Variants in MAD1L1 observed in about 807,000 individuals in gnomAD.
MAD1L1 encodes the protein mitotic spindle assembly checkpoint protein MAD1.
In MAD1L1, 95 loss-of-function variants were observed where a neutral mutation model predicts 96.9. That is an observed-to-expected ratio of 0.98 (90% CI 0.83 to 1.16). The LOEUF is 1.16. Among genes scored for constraint, MAD1L1 ranks in the 50% most tolerant of loss-of-function variants. The pLI, the probability that MAD1L1 is intolerant of heterozygous loss-of-function variation, is 0.00. For synonymous variants in MAD1L1, 473 were observed against 396.6 expected, an observed-to-expected ratio of 1.19 and a Z score of -2.29; for missense variants, 1,007 against 954.4, an observed-to-expected ratio of 1.06 and a Z score of -0.73.
intron 11 of MAD1L1, among the ~76,000 whole-genome samples, chr7:2,082,626 G>A (rs772090112): frequency 6.6e-6 from 1 of 152,218 alleles, no homozygotes; most frequent in African/African-American, 2.4e-5. Context: ...TGAGGATCAA[G>A]GGGCTCACAT....
intron 11 of MAD1L1, among the ~76,000 whole-genome samples, chr7:2,071,436 G>GTGAAATATGTAAC (rs767315554): frequency 6.6e-6 from 1 of 152,244 alleles, no homozygotes; most frequent in African/African-American, 2.4e-5. Flanking sequence ...GTGTGATCTT[G>GTGAAATATGTAAC]TGAAATATGT....
chr7:2,020,723 A>G (rs1225963410), intron 12 of MAD1L1, among the ~76,000 whole-genome samples: 1 of 151,686 alleles, frequency 6.6e-6, no homozygotes, highest in Admixed American at 6.6e-5. Flanking sequence ...GACAGGAGAA[A>G]CTTCATCTGA....
chr7:2,075,897 G>A (rs1785351207), intron 11 of MAD1L1, among the ~76,000 whole-genome samples: 1 of 152,244 alleles, frequency 6.6e-6, no homozygotes, highest in Non-Finnish European at 1.5e-5. Flanking sequence ...CACCCGCCAA[G>A]GCAAGGGCAG....
intron 18 of MAD1L1, among the ~76,000 whole-genome samples, chr7:1,844,764 C>T (rs926555537): frequency 2.0e-5 from 3 of 152,202 alleles, no homozygotes; most frequent in East Asian, 3.9e-4. Context: ...TCCGATCCTT[C>T]GATGCTCCTG....
chr7:2,094,093 G>A (rs1375824466), intron 11 of MAD1L1, among the ~76,000 whole-genome samples: 5 of 152,230 alleles, frequency 3.3e-5, no homozygotes, highest in African/African-American at 7.2e-5. Context: ...TGGGGAGCCC[G>A]CTGGGAGCAC....
intron 12 of MAD1L1, among the ~76,000 whole-genome samples, chr7:2,062,643 C>A (rs1784712940): frequency 1.3e-5 from 2 of 152,144 alleles, no homozygotes; most frequent in Non-Finnish European, 2.9e-5. Flanking sequence ...CGGCTGGAAC[C>A]AGGCACGAGG....
chr7:2,218,195 C>A, intron 6 of MAD1L1, 152 bp from the exon 7 acceptor site: 1 of 631,180 alleles, frequency 1.6e-6, no homozygotes, highest in South Asian at 1.8e-5. Flanking sequence ...CCCCGCCCCC[C>A]GCCAACACAC....
At chr7:2,025,872 A>G (rs917914065) in intron 12 of MAD1L1, among the ~76,000 whole-genome samples, 3 of 152,348 alleles carry the variant, frequency 2.0e-5, no homozygotes, top group African/African-American at 7.2e-5. Context: ...ACATAAAAGC[A>G]CACATAACAA....
intron 11 of MAD1L1, chr7:2,080,072 G>A (rs1381414794): frequency 9.8e-6 from 2 of 203,246 alleles, no homozygotes; most frequent in Non-Finnish European, 2.0e-5. Flanking sequence ...AAGCCCCAAG[G>A]GGCCACATGG....
chr7:1,858,447 G>A (rs567859795), intron 18 of MAD1L1, among the ~76,000 whole-genome samples: 2 of 152,224 alleles, frequency 1.3e-5, no homozygotes, highest in Non-Finnish European at 2.9e-5. Flanking sequence ...TCCACCCAGG[G>A]GCTCTGCGTG....
At chr7:1,953,324 G>C (rs1027801123) in intron 16 of MAD1L1, among the ~76,000 whole-genome samples, 3 of 152,200 alleles carry the variant, frequency 2.0e-5, no homozygotes, top group Non-Finnish European at 4.4e-5. Flanking sequence ...CAGGGCTCTT[G>C]TCTGGTCTCT....
chr7:2,022,893 G>A (rs961678980), intron 12 of MAD1L1, among the ~76,000 whole-genome samples: 1 of 152,142 alleles, frequency 6.6e-6, no homozygotes, highest in Non-Finnish European at 1.5e-5. Context: ...AAGAACGGTG[G>A]AGCAGCTTGA....
intron 17 of MAD1L1, among the ~76,000 whole-genome samples, chr7:1,925,821 T>C (rs73050137): frequency 0.034 from 5,183 of 152,262 alleles, 191 homozygotes; most frequent in Admixed American, 0.099. Flanking sequence ...AACGCTTACG[T>C]TGGAAAGCAG....
At chr7:1,860,863 A>C (rs1013450577) in intron 18 of MAD1L1, among the ~76,000 whole-genome samples, 6 of 152,098 alleles carry the variant, frequency 3.9e-5, no homozygotes, top group Admixed American at 1.3e-4. Flanking sequence ...GCCCTGGGTC[A>C]CCCCTGTGCC....
intron 1 of MAD1L1, among the ~76,000 whole-genome samples, chr7:2,232,204 C>A (rs1351585481): frequency 6.6e-6 from 1 of 152,264 alleles, no homozygotes; most frequent in African/African-American, 2.4e-5. Flanking sequence ...GGTAGAACTT[C>A]TGCAGCTGCA....
In MAD1L1 at chr7:2,217,951, G is replaced by C. The variant is rs760944131; in HGVS notation, c.678+11C>G. Reference sequence around the variant, plus strand: ...GGGATGTCCACAAGGCACTGACAGGGAGTGACTCACCTTAATCTGCTGCTC... The same window carrying C: ...GGGATGTCCACAAGGCACTGACAGGCAGTGACTCACCTTAATCTGCTGCTC... On this transcript the variant is annotated intron_variant, in intron 7 of 18. Coordinates refer to ENST00000265854, the MANE Select transcript of MAD1L1 (RefSeq NM_001013836.2). 1.2e-5 allele frequency: 20 copies of C among 1,609,374 alleles called. No individual in the cohort carries two copies. Among genetic ancestry groups the C allele is most frequent in the Non-Finnish European group, 1.7e-5 (20 of 1,175,664 alleles).
At chr7:2,086,349 T>C (rs1189762261) in intron 11 of MAD1L1, among the ~76,000 whole-genome samples, 1 of 152,158 alleles carries the variant, frequency 6.6e-6, no homozygotes, top group Non-Finnish European at 1.5e-5. Flanking sequence ...CCACAAAACC[T>C]GCCAAGTCCT....
chr7:1,834,158 T>C, intron 18 of MAD1L1, among the ~76,000 whole-genome samples: 1 of 152,134 alleles, frequency 6.6e-6, no homozygotes, highest in East Asian at 1.9e-4. Flanking sequence ...AATATCAGAA[T>C]TTGTGGGATG....
At chr7:1,937,642 G>A (rs1038606831) in intron 16 of MAD1L1, among the ~76,000 whole-genome samples, 1 of 150,836 alleles carries the variant, frequency 6.6e-6, no homozygotes, top group African/African-American at 2.4e-5. Flanking sequence ...GGGAGGTGCA[G>A]GGTCACTGCG....
Sources: gnomAD v4.1 joint callset for allele counts (sites outside exome capture counted in the v4.1 genomes callset) on GRCh38, gnomAD v4.1.1 for gene constraint, MANE v1.5 for transcripts, NCBI Gene and HGNC (gene_info 2026-07-23, HGNC 2026-07-21) for gene names.